Variants in BCKDHB observed in about 807,000 individuals in gnomAD.
BCKDHB encodes branched chain keto acid dehydrogenase E1 subunit beta.
In BCKDHB, 41 loss-of-function variants were observed where a neutral mutation model predicts 48.5. The ratio of observed to expected loss-of-function variants is 0.85; its 90% CI spans 0.66 to 1.10. The LOEUF (loss-of-function observed/expected upper bound fraction) is 1.10. BCKDHB is among the 50% of genes least tolerant of loss of function. The pLI, the probability that BCKDHB is intolerant of heterozygous loss-of-function variation, is 0.00. For synonymous variants in BCKDHB, 201 were observed against 174.8 expected (o/e 1.15, Z -1.18); for missense variants, 496 against 494.2 (o/e 1.00, Z -0.03).
intron 8 of BCKDHB, among the ~76,000 whole-genome samples, chr6:80,256,346 A>G (rs894790266): frequency 1.3e-5 from 2 of 152,184 alleles, no homozygotes; most frequent in Non-Finnish European, 2.9e-5. Context: ...GGTATAGCCT[A>G]CTGCTCCTAG....
intron 8 of BCKDHB, among the ~76,000 whole-genome samples, chr6:80,219,301 G>A (rs758553420): frequency 2.0e-4 from 30 of 151,702 alleles, no homozygotes; most frequent in Non-Finnish European, 3.4e-4. Context: ...CTGCCTCCTG[G>A]GTTCAAGCTA....
the BCKDHB span, among the ~76,000 whole-genome samples, chr6:80,376,646 G>C: frequency 6.6e-6 from 1 of 152,192 alleles, no homozygotes; most frequent in Non-Finnish European, 1.5e-5. Flanking sequence ...CCTGTCTCCT[G>C]TCTGGCATTT....
At chr6:80,337,309 A>C (rs1407599391) in intron 9 of BCKDHB, among the ~76,000 whole-genome samples, 3 of 152,164 alleles carry the variant, frequency 2.0e-5, no homozygotes, top group Non-Finnish European at 4.4e-5. Context: ...ACGGACTTCA[A>C]AAGTATCAAC....
chr6:80,227,739 G>A (rs945090829), intron 8 of BCKDHB, among the ~76,000 whole-genome samples: 2 of 152,176 alleles, frequency 1.3e-5, no homozygotes, highest in Non-Finnish European at 2.9e-5. Context: ...GAATCTGAAA[G>A]TGTTGAGCTT....
chr6:80,270,635 C>T (rs1298027060), intron 8 of BCKDHB, among the ~76,000 whole-genome samples: 2 of 152,114 alleles, frequency 1.3e-5, no homozygotes, highest in East Asian at 3.9e-4. Context: ...TTGTAATGCA[C>T]ATACAGAGGT....
At chr6:80,193,041 G>A (rs1328621745) in intron 6 of BCKDHB, among the ~76,000 whole-genome samples, 5 of 151,824 alleles carry the variant, frequency 3.3e-5, no homozygotes, top group Non-Finnish European at 7.4e-5. Context: ...GGCTGGTCTC[G>A]AACTCCTGAC....
rs1770050122 is a variant in BCKDHB, at chr6:80,343,889, G to A, written c.*85G>A. The A allele has an allele frequency of 6.6e-7, 1 of 1,515,386 alleles. No individual in the cohort carries two copies. Among genetic ancestry groups the A allele is most frequent in the Admixed American group, 1.7e-5 (1 of 59,858 alleles). The allele number at this position is 1,515,386 out of a possible 1,614,324, so 93.9% of individuals were successfully genotyped here. A position where few individuals can be genotyped will look rare whatever the true frequency, so the allele number is the denominator to read the frequency against. The stretch of plus-strand genomic sequence containing the variant: ...GTTAACCAAGACACAGCAATCATCA[G>A]TGTTTTGATGGTAACAAACTTTGAT... On this transcript the variant is annotated 3_prime_UTR_variant, in exon 10 of 10. Coordinates refer to ENST00000320393, the MANE Select transcript of BCKDHB (RefSeq NM_183050.4).
intron 8 of BCKDHB, among the ~76,000 whole-genome samples, chr6:80,205,126 T>C (rs73479994): frequency 0.081 from 12,278 of 152,112 alleles, 572 homozygotes; most frequent in South Asian, 0.099. Flanking sequence ...TTTCTTTTGA[T>C]GTATCAAAAG....
chr6:80,228,322 G>C (rs2127879596), intron 8 of BCKDHB, among the ~76,000 whole-genome samples: 1 of 152,274 alleles, frequency 6.6e-6, no homozygotes, highest in East Asian at 1.9e-4. Context: ...TGAACTGTTT[G>C]AACCTTGCTT....
intron 1 of BCKDHB, among the ~76,000 whole-genome samples, chr6:80,126,902 T>C (rs554725775): frequency 3.1e-4 from 47 of 152,286 alleles, no homozygotes; most frequent in Middle Eastern, 3.4e-3. Context: ...CAGCACTCAC[T>C]GTGTCAGGTA....
intron 6 of BCKDHB, among the ~76,000 whole-genome samples, chr6:80,198,605 T>C (rs562719391): frequency 2.0e-5 from 3 of 152,310 alleles, no homozygotes; most frequent in African/African-American, 2.4e-5. Flanking sequence ...TTTTTACTTA[T>C]AAACATGATT....
At chr6:80,301,887 G>T (rs766168437) in intron 9 of BCKDHB, among the ~76,000 whole-genome samples, 4 of 151,824 alleles carry the variant, frequency 2.6e-5, no homozygotes, top group Admixed American at 1.3e-4. Context: ...AGAACTAAAA[G>T]AATTACTGGG....
At chr6:80,351,058 G>A (rs1770379390), downstream of BCKDHB, among the ~76,000 whole-genome samples, 3 of 152,150 alleles carry the variant, frequency 2.0e-5, no homozygotes, top group South Asian at 6.2e-4. Context: ...TGGTTAATGT[G>A]CACATTTAAA....
chr6:80,269,090 G>T (rs755901111), intron 8 of BCKDHB, among the ~76,000 whole-genome samples: 1 of 152,082 alleles, frequency 6.6e-6, no homozygotes, highest in South Asian at 2.1e-4. Flanking sequence ...CTTTTCTTGA[G>T]TGTCTACAAT....
At chr6:80,190,274 T>G (rs1358101855) in intron 6 of BCKDHB, among the ~76,000 whole-genome samples, 1 of 152,234 alleles carries the variant, frequency 6.6e-6, no homozygotes, top group African/African-American at 2.4e-5. Context: ...TTATATTTTC[T>G]ATTTTTAAAC....
chr6:80,157,548 C>T (rs1210616972), intron 3 of BCKDHB, among the ~76,000 whole-genome samples: 1 of 145,558 alleles, frequency 6.9e-6, no homozygotes, highest in African/African-American at 2.5e-5. Flanking sequence ...TCACCGCAAC[C>T]TCCGCCTCCC....
At chr6:80,368,712 TAAAAA>T in the BCKDHB span, among the ~76,000 whole-genome samples, 1 of 149,200 alleles carries the variant, frequency 6.7e-6, no homozygotes, top group African/African-American at 2.5e-5. Flanking sequence ...TACATGAACT[TAAAAA>T]AAAAAATCCA....
the BCKDHB span, among the ~76,000 whole-genome samples, chr6:80,413,369 G>A: frequency 2.6e-5 from 4 of 152,048 alleles, no homozygotes; most frequent in African/African-American, 9.7e-5. Flanking sequence ...TGTCATGGAG[G>A]TTTGTTTTAC....
intron 9 of BCKDHB, among the ~76,000 whole-genome samples, chr6:80,281,364 A>G (rs60860919): frequency 0.03 from 4,596 of 152,274 alleles, 85 homozygotes; most frequent in East Asian, 0.052. Context: ...GAGAGCCATT[A>G]CATGAGACAA....
Sources: allele counts gnomAD v4.1 joint callset (sites outside exome capture counted in the v4.1 genomes callset), GRCh38; gene constraint gnomAD v4.1.1; transcripts MANE v1.5; gene names NCBI Gene and HGNC (gene_info 2026-07-23, HGNC 2026-07-21).